Variants in CNTNAP2 observed in about 807,000 individuals in gnomAD.
The protein encoded by CNTNAP2 is contactin-associated protein-like 2.
Under a neutral mutation model 155.2 loss-of-function variants are expected in CNTNAP2, and 98 were observed. That is an observed-to-expected ratio of 0.63 (90% CI 0.54 to 0.75). The LOEUF is 0.75. CNTNAP2 is among the 30% of genes least tolerant of loss of function. The pLI is 0.00. For synonymous variants in CNTNAP2, 651 were observed against 631.2 expected (o/e 1.03, Z -0.47); for missense variants, 1,727 against 1,688.1 (o/e 1.02, Z -0.40).
chr7:147,055,467 T>C (rs927273811), intron 4 of CNTNAP2, among the ~76,000 whole-genome samples: 12 of 152,208 alleles, frequency 7.9e-5, no homozygotes, highest in African/African-American at 2.9e-4. Flanking sequence ...CCCTCTGTTT[T>C]AATTACCTCC....
intron 1 of CNTNAP2, among the ~76,000 whole-genome samples, chr7:146,446,797 G>C (rs1359589257): frequency 6.6e-6 from 1 of 151,984 alleles, no homozygotes; most frequent in Admixed American, 6.6e-5. Context: ...TATGAGTCCT[G>C]CCCTACCTCA....
intron 13 of CNTNAP2, among the ~76,000 whole-genome samples, chr7:147,894,972 T>C: frequency 8.6e-6 from 1 of 116,070 alleles, no homozygotes; most frequent in African/African-American, 3.3e-5. Context: ...TTTCTTTTTT[T>C]TTTTTTTTTT....
At chr7:147,640,306 A>C (rs1795252246) in intron 13 of CNTNAP2, among the ~76,000 whole-genome samples, 1 of 152,144 alleles carries the variant, frequency 6.6e-6, no homozygotes, top group African/African-American at 2.4e-5. Flanking sequence ...TATTAACCGT[A>C]GTCACCATGT....
chr7:148,097,231 A>G (rs1006199045), intron 15 of CNTNAP2, among the ~76,000 whole-genome samples: 7 of 151,698 alleles, frequency 4.6e-5, no homozygotes, highest in African/African-American at 1.7e-4. Context: ...CCAATTTAGA[A>G]CAACTGGTCT....
chr7:147,092,270 T>C (rs1303162383), intron 4 of CNTNAP2, among the ~76,000 whole-genome samples: 2 of 152,228 alleles, frequency 1.3e-5, no homozygotes, highest in Admixed American at 1.3e-4. Flanking sequence ...TAACTGGATT[T>C]GTGATATATC....
chr7:146,967,150 G>T (rs913511937), intron 3 of CNTNAP2, among the ~76,000 whole-genome samples: 1 of 152,086 alleles, frequency 6.6e-6, no homozygotes, highest in Admixed American at 6.6e-5. Flanking sequence ...TTCATGATAG[G>T]CCTATGTGTA....
intron 1 of CNTNAP2, among the ~76,000 whole-genome samples, chr7:146,383,641 ACTG>A (rs1795421483): frequency 6.6e-6 from 1 of 152,166 alleles, no homozygotes; most frequent in Admixed American, 6.5e-5. Flanking sequence ...CACATTTCCC[ACTG>A]CTAATTGGTA....
chr7:147,589,556 T>C (rs1800699723), intron 12 of CNTNAP2, among the ~76,000 whole-genome samples: 4 of 152,180 alleles, frequency 2.6e-5, no homozygotes, highest in Admixed American at 2.6e-4. Flanking sequence ...TTATGGCATG[T>C]AAATGTATGT....
At chr7:146,832,480 A>G (rs1036213945) in intron 2 of CNTNAP2, among the ~76,000 whole-genome samples, 3 of 148,496 alleles carry the variant, frequency 2.0e-5, no homozygotes, top group Non-Finnish European at 4.5e-5. Context: ...ATATATTTAT[A>G]TAAAGTATAA....
chr7:148,163,404 C>CT lies in CNTNAP2; in HGVS notation c.2774-8837dup, dbSNP rs138482434. On this transcript the variant is annotated intron_variant, in intron 17 of 23. Coordinates refer to ENST00000361727, the MANE Select transcript of CNTNAP2 (RefSeq NM_014141.6). ...TAACCAATAGTTTACCATGCTTATCCTGCCACCATAGCCTCTACAATGAAT... is the reference window on the plus strand; with the variant it reads ...TAACCAATAGTTTACCATGCTTATCCTTGCCACCATAGCCTCTACAATGAAT... 5.4e-3 allele frequency among the ~76,000 whole-genome samples: 817 copies of CT among 152,284 alleles called. 4 individuals carry two copies. The highest frequency in any genetic ancestry group is 0.019 in the African/African-American group (776 of 41,550).
chr7:147,291,822 G>A (rs999349448), intron 8 of CNTNAP2, among the ~76,000 whole-genome samples: 7 of 151,950 alleles, frequency 4.6e-5, no homozygotes, highest in Non-Finnish European at 1.0e-4. Context: ...CACCGAAATG[G>A]GTATAAAATT....
In CNTNAP2 at chr7:146,763,695, C is replaced by T. The variant is rs10257286; in HGVS notation, c.98-10576C>T. ...CAATTATCTAGCAATCAGTACAGTA[C>T]CATGATTGACATTTTGGTTTACATA... is the stretch of plus-strand genomic sequence containing the variant. On this transcript the variant is annotated intron_variant, in intron 1 of 23. Coordinates refer to ENST00000361727, the MANE Select transcript of CNTNAP2 (RefSeq NM_014141.6). Among the ~76,000 whole-genome samples the T allele has an allele frequency of 8.7e-3, 1,329 of 152,218 alleles. 22 individuals carry two copies. The highest frequency in any genetic ancestry group is 0.03 in the African/African-American group (1,246 of 41,540).
At chr7:146,732,906 TG>T (rs1467719457) in intron 1 of CNTNAP2, among the ~76,000 whole-genome samples, 27 of 152,282 alleles carry the variant, frequency 1.8e-4, no homozygotes, top group Admixed American at 1.6e-3. Context: ...GTGATTTTAA[TG>T]GTTTTGTATT....
chr7:146,877,071 G>A (rs1337735254), intron 3 of CNTNAP2, among the ~76,000 whole-genome samples: 1 of 152,090 alleles, frequency 6.6e-6, no homozygotes, highest in African/African-American at 2.4e-5. Context: ...ATAGATATCA[G>A]TGTCTTTCTC....
intron 15 of CNTNAP2, among the ~76,000 whole-genome samples, chr7:147,989,046 C>T (rs750735453): frequency 7.9e-5 from 12 of 152,276 alleles, no homozygotes; most frequent in Non-Finnish European, 1.6e-4. Flanking sequence ...AGTTTGGATT[C>T]CTAGTGGGAC....
chr7:147,918,240 C>G (rs1209337307), intron 14 of CNTNAP2, among the ~76,000 whole-genome samples: 1 of 152,236 alleles, frequency 6.6e-6, no homozygotes, highest in African/African-American at 2.4e-5. Context: ...ATGCCTGTCA[C>G]TTAGCAGCTA....
At chr7:146,441,646 G>C (rs1309600105) in intron 1 of CNTNAP2, among the ~76,000 whole-genome samples, 1 of 151,360 alleles carries the variant, frequency 6.6e-6, no homozygotes, top group Non-Finnish European at 1.5e-5. Flanking sequence ...CTTTGCTCTT[G>C]AATCTCGCAT....
intron 9 of CNTNAP2, among the ~76,000 whole-genome samples, chr7:147,379,801 C>T (rs1471877820): frequency 1.3e-5 from 2 of 151,948 alleles, no homozygotes; most frequent in Non-Finnish European, 2.9e-5. Flanking sequence ...AGGTCTATTA[C>T]TTGATTTCTA....
At chr7:147,768,773 A>C (rs974257270) in intron 13 of CNTNAP2, among the ~76,000 whole-genome samples, 1 of 152,122 alleles carries the variant, frequency 6.6e-6, no homozygotes, top group Non-Finnish European at 1.5e-5. Flanking sequence ...AACCAGAGTC[A>C]GTTGTTTATT....
Sources: gnomAD v4.1 joint callset for allele counts (sites outside exome capture counted in the v4.1 genomes callset) on GRCh38, gnomAD v4.1.1 for gene constraint, MANE v1.5 for transcripts, NCBI Gene and HGNC (gene_info 2026-07-23, HGNC 2026-07-21) for gene names.